The following SNX25 variants were observed in gnomAD, a reference collection of about 807,000 sequenced individuals.
SNX25 encodes sorting nexin-25.
In SNX25, 62 loss-of-function variants were observed where a neutral mutation model predicts 113.7. The observed-to-expected ratio is 0.55, with a 90% CI of 0.44 to 0.67. The LOEUF (loss-of-function observed/expected upper bound fraction) is 0.67. Among genes scored for constraint, SNX25 ranks in the 30% least tolerant of loss-of-function variants. The probability of loss-of-function intolerance (pLI) is 0.00; values close to 1 mark genes in which losing one functional copy is unlikely to be tolerated. For synonymous variants in SNX25, 421 were observed against 436.2 expected (o/e 0.97, Z 0.43); for missense variants, 1,014 against 1,161.0 (o/e 0.87, Z 1.84).
chr4:185,375,908 C>CA, the SNX25 span, among the ~76,000 whole-genome samples: 3 of 152,108 alleles, frequency 2.0e-5, no homozygotes, highest in African/African-American at 7.2e-5. Flanking sequence ...CTGCCATCCT[C>CA]AGAGTAACAG....
intron 6 of SNX25, among the ~76,000 whole-genome samples, chr4:185,300,493 T>C (rs1017624519): frequency 1.3e-5 from 2 of 151,952 alleles, no homozygotes; most frequent in Admixed American, 6.6e-5. Context: ...AATGATGTTA[T>C]GTAGCTTCTT....
intron 9 of SNX25, among the ~76,000 whole-genome samples, chr4:185,329,543 C>G (rs1377634950): frequency 6.6e-6 from 1 of 152,196 alleles, no homozygotes; most frequent in Non-Finnish European, 1.5e-5. Context: ...GACAGCAGAC[C>G]TGACTTTCGT....
At chr4:185,271,650 C>G (rs888305157) in intron 5 of SNX25, among the ~76,000 whole-genome samples, 2 of 152,242 alleles carry the variant, frequency 1.3e-5, no homozygotes, top group African/African-American at 4.8e-5. Flanking sequence ...ACATTACTAT[C>G]TTCAAATTGC....
At chr4:185,305,650 G>C (rs995880142) in intron 6 of SNX25, among the ~76,000 whole-genome samples, 2 of 152,166 alleles carry the variant, frequency 1.3e-5, no homozygotes, top group South Asian at 2.1e-4. Context: ...GATGTTATTC[G>C]TAAGTCTGTT....
chr4:185,222,139 C>T (rs1426060460), intron 1 of SNX25, among the ~76,000 whole-genome samples: 3 of 148,394 alleles, frequency 2.0e-5, no homozygotes, highest in Admixed American at 6.8e-5. Flanking sequence ...ATATACCCCC[C>T]ATTCACTGTA....
At chr4:185,252,163 A>C (rs1221476951) in intron 2 of SNX25, among the ~76,000 whole-genome samples, 1 of 152,222 alleles carries the variant, frequency 6.6e-6, no homozygotes, top group Admixed American at 6.5e-5. Context: ...CAGCAATAAC[A>C]ACAACAAACA....
rs1265388292 is a variant in SNX25 at position 185,346,462 on chromosome 4, A to G, written c.2188-75A>G. The G allele has an allele frequency of 3.9e-6, 4 of 1,020,170 alleles. No individual in the cohort carries two copies. In the African/African-American group the frequency reaches 5.0e-5, roughly 13 times the overall value. 63.2% of individuals were successfully genotyped at this position (1,020,170 alleles called of 1,614,324 possible). On this transcript the variant is annotated intron_variant, in intron 12 of 18. Transcript: ENST00000652585. ...AGGAGGAGGATATTTGTTTTGTTCT[A>G]ATTGTTATTCTAAATCTTTTTTAAG...
At position 185,353,609 on chromosome 4, in the gene SNX25, T is replaced by C; in HGVS notation, c.2584+7T>C. 1 of 1,602,890 alleles carries C rather than the reference T, an allele frequency of 6.2e-7. No individual in the cohort carries two copies. Among genetic ancestry groups the C allele is most frequent in the Non-Finnish European group, 8.5e-7 (1 of 1,169,700 alleles). On this transcript the variant is annotated splice_region_variant and intron_variant, in intron 15 of 18. Transcript: ENST00000652585. ...ATTTTTGAACTTCGAGGAAGTAAGC[T>C]TCTTTGTTATTATTTAGTGGTATTT...
chr4:185,210,294 C>G lies in SNX25; in HGVS notation c.429+39C>G. 8.1e-6 allele frequency: 8 copies of G among 984,690 alleles called. No homozygotes were observed. The highest frequency in any genetic ancestry group is 9.6e-6 in the Non-Finnish European group (8 of 829,754). The allele number at this position is 984,690 out of a possible 1,614,324, so 61.0% of individuals were successfully genotyped here. A position where few individuals can be genotyped will look rare whatever the true frequency, so the allele number is the denominator to read the frequency against. On this transcript the variant is annotated intron_variant, in intron 1 of 18. Transcript: ENST00000652585. The surrounding 1 kb of genome is among the most constrained non-coding windows in gnomAD (Gnocchi z 4.4). ...TCCTGGCCGCCCAGCTCCGCCGGCC[C>G]TCCCCGCTTCCGGTGCCAGCTCCCG... is the stretch of plus-strand genomic sequence containing the variant.
chr4:185,298,720 G>C (rs1461382950), intron 6 of SNX25, among the ~76,000 whole-genome samples: 1 of 151,980 alleles, frequency 6.6e-6, no homozygotes, highest in African/African-American at 2.4e-5. Context: ...TGCACATTCT[G>C]TTTCTTCTTC....
At chr4:185,323,270 T>C (rs1434625695) in intron 8 of SNX25, among the ~76,000 whole-genome samples, 1 of 152,200 alleles carries the variant, frequency 6.6e-6, no homozygotes, top group Non-Finnish European at 1.5e-5. Context: ...GAACTGTTCT[T>C]ATTCTGTTTT....
intron 1 of SNX25, among the ~76,000 whole-genome samples, chr4:185,212,354 A>G (rs551704194): frequency 5.2e-4 from 78 of 151,290 alleles, no homozygotes; most frequent in Middle Eastern, 3.4e-3. Flanking sequence ...TCTAAGTTAT[A>G]TATTGCTTAG....
At chr4:185,375,318 G>T in the SNX25 span, among the ~76,000 whole-genome samples, 1 of 148,666 alleles carries the variant, frequency 6.7e-6, no homozygotes, top group Admixed American at 6.7e-5. Flanking sequence ...TTAGCCAGGC[G>T]TGGTGGCAGT....
intron 3 of SNX25, among the ~76,000 whole-genome samples, chr4:185,261,331 C>A (rs185053303): frequency 5.3e-5 from 8 of 152,178 alleles, no homozygotes; most frequent in African/African-American, 1.9e-4. Context: ...CATGTGCCAC[C>A]ACACCCAGCT....
At chr4:185,367,250 A>T, downstream of SNX25, 1 of 1,611,366 alleles carries the variant, frequency 6.2e-7, no homozygotes. Context: ...ACAAGCCTTA[A>T]AATCAAAAAG....
At chr4:185,375,028 C>T (rs1403232698), downstream of SNX25, among the ~76,000 whole-genome samples, 1 of 152,106 alleles carries the variant, frequency 6.6e-6, no homozygotes, top group Non-Finnish European at 1.5e-5. Context: ...AAGAACAGAT[C>T]TGTACCCTCC....
chr4:185,339,658 T>C, intron 11 of SNX25, 148 bp downstream of exon 11: 1 of 955,236 alleles, frequency 1.0e-6, no homozygotes, highest in East Asian at 2.8e-5. Flanking sequence ...CCCCACAATT[T>C]TCACTCCGGT....
At chr4:185,376,103 G>A in the SNX25 span, among the ~76,000 whole-genome samples, 81 of 152,238 alleles carry the variant, frequency 5.3e-4, no homozygotes, top group African/African-American at 1.9e-3. Context: ...CATTACTGAA[G>A]TTGAGGGGAC....
intron 3 of SNX25, among the ~76,000 whole-genome samples, chr4:185,262,382 C>A (rs1399927656): frequency 2.0e-5 from 3 of 152,188 alleles, no homozygotes; most frequent in African/African-American, 7.2e-5. Context: ...ACTATTATTT[C>A]AATAGCATCT....
Sources: gnomAD v4.1 joint callset for allele counts (sites outside exome capture counted in the v4.1 genomes callset) on GRCh38, gnomAD v4.1.1 for gene constraint, Gnocchi (gnomAD v3.1) non-coding constraint, MANE v1.5 for transcripts, NCBI Gene and HGNC (gene_info 2026-07-23, HGNC 2026-07-21) for gene names.